The following CCDC14 variants were observed in gnomAD, a reference collection of about 807,000 sequenced individuals.
CCDC14 encodes the protein coiled-coil domain containing 14.
CCDC14 carries 71 observed loss-of-function variants against 81.4 expected under a neutral mutation model. That is an observed-to-expected ratio of 0.87 (90% CI 0.72 to 1.06). CCDC14 has a LOEUF of 1.06. Among genes scored for constraint, CCDC14 ranks in the 50% least tolerant of loss-of-function variants. CCDC14 has a pLI of 0.00. For synonymous variants in CCDC14, 332 were observed against 364.8 expected, an observed-to-expected ratio of 0.91 and a Z score of 1.03; for missense variants, 1,046 against 1,047.3, an observed-to-expected ratio of 1.00 and a Z score of 0.02.
intron 12 of CCDC14, among the ~76,000 whole-genome samples, chr3:123,926,704 G>C (rs1433350636): frequency 6.6e-6 from 1 of 151,928 alleles, no homozygotes; most frequent in Non-Finnish European, 1.5e-5. Flanking sequence ...TTAAAGGTTG[G>C]AGAAGGAAAA....
chr3:123,901,980 A>C (rs1162428113), intron 5 of CCDC14, among the ~76,000 whole-genome samples: 2 of 152,238 alleles, frequency 1.3e-5, no homozygotes, highest in African/African-American at 4.8e-5. Context: ...AACACCCATC[A>C]CACTGGCAAA....
rs758288417 is a variant in CCDC14 at position 123,915,593 on chromosome 3, GGGTCA to G, written c.1899_1903del (p.Asp634SerfsTer13). 6.2e-7 allele frequency: 1 copy of G among 1,613,982 alleles called. No individual in the cohort carries two copies. Among genetic ancestry groups the G allele is most frequent in the South Asian group, 1.1e-5 (1 of 91,082 alleles). ...CATTATGGAAGTGTGAGCAGGAGCT[GGGTCA>G]TGTTGAAGTTGTTTATCATGAATGT... On this transcript the variant is annotated frameshift_variant, in exon 13 of 13. Coordinates refer to ENST00000409697, the MANE Select transcript of CCDC14 (RefSeq NM_001366335.1). LOFTEE classifies it low-confidence loss of function (END_TRUNC).
chr3:123,945,308 T>C (rs904661578), intron 8 of CCDC14, among the ~76,000 whole-genome samples: 2 of 152,124 alleles, frequency 1.3e-5, no homozygotes, highest in East Asian at 1.9e-4. Context: ...TCTTAGTCCA[T>C]AGTTACAAAG....
intron 5 of CCDC14, among the ~76,000 whole-genome samples, chr3:123,903,481 C>A (rs1021105890): frequency 6.6e-6 from 1 of 152,066 alleles, no homozygotes; most frequent in African/African-American, 2.4e-5. Context: ...ATGAGTATAT[C>A]TTTTGGCTCA....
At chr3:123,890,110 C>A in the CCDC14 span, among the ~76,000 whole-genome samples, 2 of 152,160 alleles carry the variant, frequency 1.3e-5, no homozygotes, top group Admixed American at 1.3e-4. Context: ...ACCATCAGAT[C>A]TTGTGAGACC....
At position 123,916,468 on chromosome 3, in the gene CCDC14, T is replaced by TTGTGTGTGTGTGTG. The variant is rs71142765; in HGVS notation, c.1779-764_1779-751dup. ...TTATTTCCCTTCATTATATATGTGTTTGTGTGTGTGTGTGTGTGTGTGTGT... is the reference window on the plus strand; with the variant it reads ...TTATTTCCCTTCATTATATATGTGTTTGTGTGTGTGTGTGTGTGTGTGTGTGTGTGTGTGTGTGT... On this transcript the variant is annotated intron_variant, in intron 12 of 12. Coordinates refer to ENST00000409697, the MANE Select transcript of CCDC14 (RefSeq NM_001366335.1). Among the ~76,000 whole-genome samples the TTGTGTGTGTGTGTG allele has an allele frequency of 7.5e-5, 11 of 146,066 alleles. No homozygotes were observed. In the East Asian group the frequency reaches 1.0e-3, roughly 13 times the overall value.
At chr3:123,954,161 G>A (rs2037198576) in intron 5 of CCDC14, 1 of 152,160 alleles carries the variant, frequency 6.6e-6, no homozygotes, top group African/African-American at 2.4e-5. Flanking sequence ...GTAGGAGACT[G>A]GAGGAACAGG....
At position 123,901,868 on chromosome 3, in the gene CCDC14, TTAC is replaced by T. The variant is rs2034185358; in HGVS notation, c.668-4258_668-4256del. 2.6e-5 allele frequency among the ~76,000 whole-genome samples: 4 copies of T among 152,200 alleles called. No homozygotes were observed. In the South Asian group the frequency reaches 8.3e-4, roughly 32 times the overall value. ...AAATTGTGCAAAGGATACAAACAACTTACTAATGAGTAGTATCAAAAGGCCCAA... is the reference window on the plus strand; with the variant it reads ...AAATTGTGCAAAGGATACAAACAACTTAATGAGTAGTATCAAAAGGCCCAA... On this transcript the variant is annotated intron_variant, in intron 5 of 5. Transcript: ENST00000479903.
chr3:123,952,592 T>G (rs747203957), intron 5 of CCDC14: 3 of 531,098 alleles, frequency 5.6e-6, no homozygotes, highest in Non-Finnish European at 1.2e-5. Context: ...ATGGTGTGCT[T>G]ACCTGACTCC....
At chr3:123,910,263 A>G (rs532149658), downstream of CCDC14, among the ~76,000 whole-genome samples, 1 of 152,324 alleles carries the variant, frequency 6.6e-6, no homozygotes, top group South Asian at 2.1e-4. Context: ...GTGATGGCTA[A>G]GATAGCCAAC....
At chr3:123,898,092 G>A (rs1326716189) in intron 5 of CCDC14, among the ~76,000 whole-genome samples, 1 of 152,216 alleles carries the variant, frequency 6.6e-6, no homozygotes, top group African/African-American at 2.4e-5. Flanking sequence ...CTCAAATTGT[G>A]TGGAGGGACT....
chr3:123,949,572 A>C (rs954747932), intron 5 of CCDC14: 3 of 153,942 alleles, frequency 1.9e-5, no homozygotes, highest in Non-Finnish European at 2.9e-5. Flanking sequence ...AACAAAACCA[A>C]CCAAACAAAC....
At chr3:123,890,339 C>T in the CCDC14 span, among the ~76,000 whole-genome samples, 1 of 152,206 alleles carries the variant, frequency 6.6e-6, no homozygotes, top group Non-Finnish European at 1.5e-5. Context: ...CCGCCAAAAT[C>T]TTAAATCATT....
At chr3:123,922,738 G>T (rs762543553) in intron 12 of CCDC14, among the ~76,000 whole-genome samples, 1 of 152,150 alleles carries the variant, frequency 6.6e-6, no homozygotes, top group Admixed American at 6.5e-5. Context: ...CCAAAGAAAA[G>T]CCCAGGACAA....
At chr3:123,950,744 T>C (rs1305496022) in intron 5 of CCDC14, among the ~76,000 whole-genome samples, 1 of 152,152 alleles carries the variant, frequency 6.6e-6, no homozygotes, top group Non-Finnish European at 1.5e-5. Flanking sequence ...CAAAAATTTA[T>C]TGAGATTTAT....
chr3:123,917,912 A>C (rs1459287197), intron 12 of CCDC14, among the ~76,000 whole-genome samples: 1 of 152,228 alleles, frequency 6.6e-6, no homozygotes, highest in East Asian at 1.9e-4. Context: ...ATTAGTTATA[A>C]TATAAGATAG....
intron 5 of CCDC14, among the ~76,000 whole-genome samples, chr3:123,908,197 G>A (rs1468473963): frequency 6.6e-6 from 1 of 152,128 alleles, no homozygotes; most frequent in Admixed American, 6.5e-5. Context: ...AGATACCAAC[G>A]TGGTAGGAGG....
chr3:123,931,680 A>G (rs1577268562), intron 10 of CCDC14, among the ~76,000 whole-genome samples, 154 bp from the exon 11 acceptor site: 1 of 151,972 alleles, frequency 6.6e-6, no homozygotes, highest in African/African-American at 2.4e-5. Context: ...TAAATACTAC[A>G]TATATTTTTA....
chr3:123,957,433 C>T (rs2037392288), intron 1 of CCDC14: 1 of 152,062 alleles, frequency 6.6e-6, no homozygotes, highest in Non-Finnish European at 1.5e-5. Context: ...GAGTTCTTAA[C>T]TCTGGTTCCT....
Sources: gnomAD v4.1 joint callset for allele counts (sites outside exome capture counted in the v4.1 genomes callset) on GRCh38, gnomAD v4.1.1 for gene constraint, MANE v1.5 for transcripts, NCBI Gene and HGNC (gene_info 2026-07-23, HGNC 2026-07-21) for gene names.